Variants in LURAP1L observed in about 807,000 individuals in gnomAD.
LURAP1L encodes the protein leucine rich adaptor protein 1 like.
In LURAP1L, 12 loss-of-function variants were observed where a neutral mutation model predicts 13.8. The observed-to-expected ratio is 0.87, with a 90% CI of 0.56 to 1.41. The LOEUF (loss-of-function observed/expected upper bound fraction) is 1.41, where lower values mean the gene tolerates loss of function less well. LURAP1L is among the 40% of genes most tolerant of loss of function. LURAP1L has a pLI of 0.00. For missense variants in LURAP1L, 375 were observed against 292.9 expected (o/e 1.28, Z -2.04); for synonymous variants, 139 against 119.2 (o/e 1.17, Z -1.08).
intron 1 of LURAP1L, among the ~76,000 whole-genome samples, chr9:12,792,999 A>G (rs1356435773): frequency 6.6e-6 from 1 of 152,054 alleles, no homozygotes. Context: ...TGGTCTCTAT[A>G]TATGTGTTTT....
intron 1 of LURAP1L, among the ~76,000 whole-genome samples, chr9:12,779,674 G>A (rs1207880035): frequency 6.6e-6 from 1 of 152,162 alleles, no homozygotes; most frequent in Non-Finnish European, 1.5e-5. Flanking sequence ...GGAGGAGCCA[G>A]GATGAGGTCA....
At chr9:12,792,691 T>C (rs191830220) in intron 1 of LURAP1L, among the ~76,000 whole-genome samples, 171 of 152,184 alleles carry the variant, frequency 1.1e-3, no homozygotes, top group Middle Eastern at 6.8e-3. Context: ...AAACTCTTTT[T>C]GGGGATTATA....
rs151121138 is a variant in LURAP1L, at chr9:12,800,366, A to C, written c.313-21020A>C. The stretch of plus-strand genomic sequence containing the variant: ...TGTTAAGTAACATATCCAACTGACA[A>C]AAATCCAAGAGTTAATTAGTAGAAG... On this transcript the variant is annotated intron_variant, in intron 1 of 1. Transcript: ENST00000319264. 1.6e-3 allele frequency among the ~76,000 whole-genome samples: 240 copies of C among 152,304 alleles called. 6 individuals carry two copies. The East Asian group carries it at 0.042, about 27-fold the overall frequency.
chr9:12,779,446 T>C (rs1328953204), intron 1 of LURAP1L, among the ~76,000 whole-genome samples: 1 of 151,924 alleles, frequency 6.6e-6, no homozygotes, highest in African/African-American at 2.4e-5. Context: ...GGCTAATTTT[T>C]TGTATTTTTA....
intron 1 of LURAP1L, among the ~76,000 whole-genome samples, chr9:12,820,475 C>G (rs1030067904): frequency 2.1e-5 from 3 of 141,302 alleles, no homozygotes; most frequent in Non-Finnish European, 3.0e-5. Flanking sequence ...TGCACTCCAG[C>G]CTGGACGACA....
chr9:12,776,657 A>G (rs1361976242), intron 1 of LURAP1L, among the ~76,000 whole-genome samples: 1 of 152,058 alleles, frequency 6.6e-6, no homozygotes, highest in Non-Finnish European at 1.5e-5. Flanking sequence ...ACTTATGAAT[A>G]GCTTGTTTCA....
At chr9:12,781,023 G>A (rs1289815651) in intron 1 of LURAP1L, among the ~76,000 whole-genome samples, 1 of 152,120 alleles carries the variant, frequency 6.6e-6, no homozygotes, top group Non-Finnish European at 1.5e-5. Flanking sequence ...CCAGGCTGGA[G>A]TGCAATGGCT....
chr9:12,802,809 A>T (rs529685140), intron 1 of LURAP1L, among the ~76,000 whole-genome samples: 35 of 152,252 alleles, frequency 2.3e-4, no homozygotes, highest in Non-Finnish European at 4.0e-4. Flanking sequence ...GAATGCCTCC[A>T]AATTACCTTT....
intron 1 of LURAP1L, among the ~76,000 whole-genome samples, chr9:12,778,459 T>C (rs911766859): frequency 2.0e-5 from 3 of 152,278 alleles, no homozygotes; most frequent in Non-Finnish European, 4.4e-5. Context: ...AAAACAACTA[T>C]TACATAGATA....
At chr9:12,796,329 T>A (rs1266734647) in intron 1 of LURAP1L, among the ~76,000 whole-genome samples, 3 of 151,974 alleles carry the variant, frequency 2.0e-5, no homozygotes, top group Non-Finnish European at 4.4e-5. Context: ...TTTGTTACCA[T>A]TTTTAAAAAA....
intron 1 of LURAP1L, among the ~76,000 whole-genome samples, chr9:12,778,452 A>T (rs1819221989): frequency 6.6e-6 from 1 of 152,190 alleles, no homozygotes; most frequent in Non-Finnish European, 1.5e-5. Context: ...TATAAGAAAA[A>T]CAACTATTAC....
intron 1 of LURAP1L, among the ~76,000 whole-genome samples, chr9:12,820,636 T>C (rs79257165): frequency 0.029 from 4,366 of 151,746 alleles, 154 homozygotes; most frequent in African/African-American, 0.08. Flanking sequence ...TAGTCAGATA[T>C]ACAGAAATAT....
intron 1 of LURAP1L, among the ~76,000 whole-genome samples, chr9:12,780,011 G>A (rs1819247485): frequency 1.3e-5 from 2 of 152,174 alleles, no homozygotes; most frequent in Admixed American, 1.3e-4. Flanking sequence ...GCCATGAGCA[G>A]TTAAAGGTTC....
intron 1 of LURAP1L, among the ~76,000 whole-genome samples, chr9:12,813,143 G>C (rs1819760743): frequency 6.6e-6 from 1 of 152,012 alleles, no homozygotes; most frequent in Admixed American, 6.6e-5. Flanking sequence ...CTCCTCAATG[G>C]TACACTGAAG....
chr9:12,801,593 AT>A (rs1395843914), intron 1 of LURAP1L, among the ~76,000 whole-genome samples: 1 of 152,206 alleles, frequency 6.6e-6, no homozygotes, highest in East Asian at 1.9e-4. Flanking sequence ...CTTTAAAAAC[AT>A]TTTTAAATGG....
intron 1 of LURAP1L, among the ~76,000 whole-genome samples, chr9:12,821,099 C>G (rs905178919): frequency 3.3e-5 from 5 of 152,138 alleles, no homozygotes; most frequent in Admixed American, 1.3e-4. Flanking sequence ...TAGTAGAGAA[C>G]CTGCCATTCA....
chr9:12,795,021 A>G (rs1317752864), intron 1 of LURAP1L, among the ~76,000 whole-genome samples: 3 of 151,332 alleles, frequency 2.0e-5, no homozygotes, highest in African/African-American at 7.4e-5. Context: ...CATGGTCTGT[A>G]ATAAAATATA....
At chr9:12,780,837 C>T (rs1027886023) in intron 1 of LURAP1L, among the ~76,000 whole-genome samples, 1 of 151,930 alleles carries the variant, frequency 6.6e-6, no homozygotes, top group African/African-American at 2.4e-5. Flanking sequence ...AATCTTACTC[C>T]TCCCCATTTT....
At chr9:12,791,685 T>C (rs1210655672) in intron 1 of LURAP1L, among the ~76,000 whole-genome samples, 1 of 138,636 alleles carries the variant, frequency 7.2e-6, no homozygotes, top group African/African-American at 3.1e-5. Flanking sequence ...CCTCCTCCCT[T>C]CTTTTTACAC....
Sources: allele counts gnomAD v4.1 joint callset (sites outside exome capture counted in the v4.1 genomes callset), GRCh38; gene constraint gnomAD v4.1.1; transcripts MANE v1.5; gene names NCBI Gene and HGNC (gene_info 2026-07-23, HGNC 2026-07-21).